The following SCN11A variants were observed in gnomAD, a reference collection of about 807,000 sequenced individuals.
The protein encoded by SCN11A is sodium channel protein type 11 subunit alpha.
Under a neutral mutation model 162.2 loss-of-function variants are expected in SCN11A, and 122 were observed. The ratio of observed to expected loss-of-function variants is 0.75; its 90% CI spans 0.65 to 0.87. The LOEUF (loss-of-function observed/expected upper bound fraction) is 0.87. SCN11A is among the 40% of genes least tolerant of loss of function. The probability of loss-of-function intolerance (pLI) is 0.00; values close to 1 mark genes in which losing one functional copy is unlikely to be tolerated. For synonymous variants in SCN11A, 758 were observed against 751.5 expected (o/e 1.01, Z -0.14); for missense variants, 2,015 against 2,181.6 (o/e 0.92, Z 1.52).
intron 23 of SCN11A, among the ~76,000 whole-genome samples, chr3:38,872,632 A>T (rs2065148191): frequency 6.6e-6 from 1 of 152,196 alleles, no homozygotes; most frequent in African/African-American, 2.4e-5. Context: ...AAAGATCTTT[A>T]TGGTGAATTT....
chr3:38,849,700 T>G (rs1250741394), intron 29 of SCN11A: 1 of 152,230 alleles, frequency 6.6e-6, no homozygotes, highest in Non-Finnish European at 1.5e-5. Context: ...GGTTTAGCCA[T>G]GAAGAATTTA....
In SCN11A at chr3:38,850,467, C is replaced by A. The variant is rs1410804665; in HGVS notation, c.4327+14G>T. ...CTGGTTCTTAAAGTCCCTCTGACTG[C>A]TGATTTTACTTACTAACAATGGAAA... On this transcript the variant is annotated intron_variant, in intron 29 of 29. Coordinates refer to ENST00000302328, the MANE Select transcript of SCN11A (RefSeq NM_001349253.2). 2.5e-6 allele frequency: 4 copies of A among 1,605,710 alleles called. No individual in the cohort carries two copies. Among genetic ancestry groups the A allele is most frequent in the Non-Finnish European group, 3.4e-6 (4 of 1,174,866 alleles).
chr3:38,867,444 T>C lies in SCN11A; in HGVS notation c.3828A>G (p.Pro1276=), dbSNP rs142412836. 3.1e-6 allele frequency: 5 copies of C among 1,603,552 alleles called. No homozygotes were observed. Among genetic ancestry groups the C allele is most frequent in the Non-Finnish European group, 4.2e-6 (5 of 1,176,992 alleles). The change falls in exon 27 of 30, where the codon CCA becomes CCG. Residue 1276 remains proline (P), a synonymous_variant. Transcript: ENST00000302328. ...AACCGAGTGAATTGCTCTCAAACTCTGGCTGTTGTTCTTTCTGTTAGAAAT... is the reference window on the plus strand; with the variant it reads ...AACCGAGTGAATTGCTCTCAAACTCCGGCTGTTGTTCTTTCTGTTAGAAAT... ...AVDSTEKEQQ[P]EFESNSLGYI...
intron 14 of SCN11A, among the ~76,000 whole-genome samples, chr3:38,906,599 T>C (rs547061661): frequency 8.5e-4 from 130 of 152,216 alleles, no homozygotes; most frequent in South Asian, 8.3e-3. Flanking sequence ...ATCACGGTCG[T>C]CTGTTAATTG....
At chr3:38,942,649 CA>C (rs1422376674) in intron 7 of SCN11A, among the ~76,000 whole-genome samples, 1 of 151,872 alleles carries the variant, frequency 6.6e-6, no homozygotes, top group Non-Finnish European at 1.5e-5. Flanking sequence ...TATTTTGAAC[CA>C]AAAGGTAATA....
In SCN11A at chr3:38,850,646, A is replaced by G. The variant is rs780834774; in HGVS notation, c.4162T>C (p.Tyr1388His). 5 of 1,614,078 alleles carry G rather than the reference A, an allele frequency of 3.1e-6. 1 individual carries two copies. The highest frequency in any genetic ancestry group is 1.7e-4 in the Middle Eastern group (1 of 6,060). Reference protein sequence around the residue: ...LNMISMMAESYNQPKAMKSIL... With the variant: ...LNMISMMAESHNQPKAMKSIL... ...GATTTCATGGCTTTGGGTTGGTTGT[A>G]TGATTCAGCCATCATGCTAATCATG... is the stretch of plus-strand genomic sequence containing the variant. The change falls in exon 29 of 30, where the codon TAC becomes CAC. Residue 1388 changes from tyrosine to histidine, a missense_variant. Physicochemically the swap from Tyr to His is moderately conservative, Grantham distance 83. Transcript: ENST00000302328.
intron 2 of SCN11A, among the ~76,000 whole-genome samples, chr3:39,017,776 G>A (rs570458067): frequency 4.8e-4 from 73 of 152,230 alleles, no homozygotes; most frequent in African/African-American, 1.7e-3. Context: ...AGTTACAACT[G>A]TTTTAATGTC....
chr3:39,009,796 T>TAG (rs1239730899), intron 2 of SCN11A, among the ~76,000 whole-genome samples: 1 of 150,548 alleles, frequency 6.6e-6, no homozygotes, highest in Non-Finnish European at 1.5e-5. Context: ...CCCACCTCAG[T>TAG]CTCCTGAGTA....
At chr3:38,876,571 A>G (rs1247577491) in intron 23 of SCN11A, among the ~76,000 whole-genome samples, 3 of 152,204 alleles carry the variant, frequency 2.0e-5, no homozygotes, top group Non-Finnish European at 4.4e-5. Flanking sequence ...CAATTCTCAA[A>G]AGAAGATTTA....
At chr3:39,044,488 GAAATA>G (rs1433029688) in intron 1 of SCN11A, among the ~76,000 whole-genome samples, 1 of 152,042 alleles carries the variant, frequency 6.6e-6, no homozygotes, top group Non-Finnish European at 1.5e-5. Flanking sequence ...TGACTACAAT[GAAATA>G]AAACTAGAAA....
chr3:38,894,947 A>T lies in SCN11A; in HGVS notation c.2421T>A (p.Ile807=). Residue 807 remains isoleucine (I), a synonymous_variant, in exon 19 of 30, where the codon ATT becomes ATA. Transcript: ENST00000302328. ...IGKLVVLNLF[I]ALLLNSFSNE... ...TGCTAAAGGAATTGAGCAGTAAGGC[A>T]ATGAAGAGGTTGAGCACCTGGGAAT... The T allele has an allele frequency of 6.2e-7, 1 of 1,609,204 alleles. No homozygotes were observed. The highest frequency in any genetic ancestry group is 8.5e-7 in the Non-Finnish European group (1 of 1,176,604).
At chr3:38,993,123 G>A (rs2030504283) in intron 2 of SCN11A, among the ~76,000 whole-genome samples, 1 of 152,206 alleles carries the variant, frequency 6.6e-6, no homozygotes, top group Non-Finnish European at 1.5e-5. Context: ...GATTACCTGT[G>A]ACCGTGATTG....
chr3:38,984,354 G>C (rs1291761965), intron 2 of SCN11A, among the ~76,000 whole-genome samples: 1 of 152,152 alleles, frequency 6.6e-6, no homozygotes, highest in African/African-American at 2.4e-5. Context: ...TGTTATTTTA[G>C]TTTAAATAAG....
intron 2 of SCN11A, among the ~76,000 whole-genome samples, chr3:39,025,039 C>A (rs1461136314): frequency 6.6e-6 from 1 of 152,216 alleles, no homozygotes; most frequent in Non-Finnish European, 1.5e-5. Flanking sequence ...ACCCCCTGGC[C>A]TCTGCACGAG....
At chr3:38,969,956 GT>G (rs1413201068) in intron 2 of SCN11A, among the ~76,000 whole-genome samples, 3 of 133,970 alleles carry the variant, frequency 2.2e-5, no homozygotes, top group African/African-American at 8.7e-5. Context: ...GCCTGCCCCT[GT>G]GGCCATCTTT....
At chr3:39,003,940 A>G (rs539061722) in intron 2 of SCN11A, among the ~76,000 whole-genome samples, 2 of 152,130 alleles carry the variant, frequency 1.3e-5, no homozygotes, top group South Asian at 2.1e-4. Context: ...TGTCAGATGC[A>G]TAGTTTGCCA....
At chr3:38,939,250 T>G (rs551499460) in intron 7 of SCN11A, among the ~76,000 whole-genome samples, 2 of 151,916 alleles carry the variant, frequency 1.3e-5, no homozygotes, top group African/African-American at 4.8e-5. Flanking sequence ...AACATAGAAT[T>G]TAAGACAAAT....
chr3:38,889,105 T>TA (rs1289028655), intron 19 of SCN11A, among the ~76,000 whole-genome samples: 1 of 151,794 alleles, frequency 6.6e-6, no homozygotes, highest in Non-Finnish European at 1.5e-5. Flanking sequence ...ATGCTTACAT[T>TA]AAAAAAAATA....
intron 18 of SCN11A, among the ~76,000 whole-genome samples, chr3:38,895,225 T>C (rs533000736): frequency 4.6e-5 from 7 of 152,304 alleles, no homozygotes; most frequent in African/African-American, 1.7e-4. Context: ...TATGGATGAG[T>C]AGACCCTTAC....
Sources: gnomAD v4.1 joint callset for allele counts (sites outside exome capture counted in the v4.1 genomes callset) on GRCh38, gnomAD v4.1.1 for gene constraint, MANE v1.5 for transcripts, NCBI Gene and HGNC (gene_info 2026-07-23, HGNC 2026-07-21) for gene names.